Variants in JAK1 observed in about 807,000 individuals in gnomAD.
JAK1 encodes the protein Janus kinase 1.
A neutral mutation model predicts 136.6 loss-of-function variants in JAK1; 16 were observed. The observed-to-expected ratio is 0.12, with a 90% confidence interval of 0.08 to 0.18. JAK1 has a LOEUF of 0.18. JAK1 is among the 10% of genes least tolerant of loss of function. JAK1 has a pLI of 1.00. For missense variants in JAK1, 859 were observed against 1,450.1 expected (o/e 0.59, Z 6.62); for synonymous variants, 492 against 519.5 (o/e 0.95, Z 0.72).
chr1:65,061,369 T>C (rs1647784703), intron 1 of JAK1, among the ~76,000 whole-genome samples: 1 of 152,192 alleles, frequency 6.6e-6, no homozygotes, highest in South Asian at 2.1e-4. Flanking sequence ...CACTCCAGCC[T>C]GGGTGACAAA....
intron 1 of JAK1, among the ~76,000 whole-genome samples, chr1:64,923,835 C>T (rs1328550456): frequency 6.6e-6 from 1 of 152,136 alleles, no homozygotes; most frequent in Non-Finnish European, 1.5e-5. Flanking sequence ...CCTCCCACCC[C>T]GACTCCTGCT....
chr1:65,059,332 C>T (rs2100884857), intron 1 of JAK1, among the ~76,000 whole-genome samples: 1 of 152,252 alleles, frequency 6.6e-6, no homozygotes, highest in East Asian at 1.9e-4. Context: ...AAAACATTTA[C>T]TTTTTGTTTT....
chr1:64,962,707 G>T (rs1646302935), intron 1 of JAK1, among the ~76,000 whole-genome samples: 1 of 152,188 alleles, frequency 6.6e-6, no homozygotes, highest in African/African-American at 2.4e-5. Flanking sequence ...GCACGGGGGA[G>T]AGTAAGAAGC....
At chr1:64,970,844 T>G (rs1569787320), upstream of JAK1, among the ~76,000 whole-genome samples, 1 of 152,106 alleles carries the variant, frequency 6.6e-6, no homozygotes, top group African/African-American at 2.4e-5. Flanking sequence ...ATACAAATAT[T>G]TCCTTCTAAC....
At chr1:64,907,718 T>C (rs1203224197) in intron 1 of JAK1, among the ~76,000 whole-genome samples, 1 of 152,156 alleles carries the variant, frequency 6.6e-6, no homozygotes, top group Non-Finnish European at 1.5e-5. Flanking sequence ...GTTATGAGTG[T>C]ACCCTCAGCC....
intron 8 of JAK1, among the ~76,000 whole-genome samples, chr1:64,862,213 A>C (rs1490847048): frequency 6.6e-6 from 1 of 152,188 alleles, no homozygotes. Context: ...CTCTGGGTTC[A>C]AATCGCAGCC....
chr1:65,035,077 TA>T (rs1187148885), intron 2 of JAK1, among the ~76,000 whole-genome samples: 3 of 151,396 alleles, frequency 2.0e-5, no homozygotes, highest in Non-Finnish European at 4.4e-5. Context: ...AATAAATAAA[TA>T]AATAAATAAA....
intron 1 of JAK1, among the ~76,000 whole-genome samples, chr1:64,940,298 T>C (rs1167753956): frequency 2.0e-5 from 3 of 150,854 alleles, no homozygotes; most frequent in Non-Finnish European, 4.4e-5. Context: ...ACAGAAGACC[T>C]AGCTTATACC....
In JAK1 at chr1:65,001,131, C is replaced by A. The variant is rs1032809958; in HGVS notation, c.-78+43349G>T. ...CTCTAGTTGGGCAGTGATTATTAAA[C>A]CCCTCCCAAAAATGGAGTGGACAAT... On this transcript the variant is annotated intron_variant, in intron 2 of 25. Transcript: ENST00000671954. 2.0e-4 allele frequency among the ~76,000 whole-genome samples: 30 copies of A among 152,282 alleles called. 5 individuals carry two copies. The highest frequency in any genetic ancestry group is 3.3e-4 in the Admixed American group (5 of 15,306).
intron 2 of JAK1, among the ~76,000 whole-genome samples, chr1:65,006,539 G>A (rs1016870583): frequency 6.6e-6 from 1 of 152,044 alleles, no homozygotes; most frequent in East Asian, 1.9e-4. Context: ...TTTATTTTTT[G>A]TAGAGATGGG....
At chr1:64,878,001 T>C (rs1177730753) in intron 4 of JAK1, among the ~76,000 whole-genome samples, 1 of 152,148 alleles carries the variant, frequency 6.6e-6, no homozygotes, top group East Asian at 1.9e-4. Flanking sequence ...GAGAAAAACA[T>C]CCCAGTCATT....
intron 2 of JAK1, among the ~76,000 whole-genome samples, chr1:64,971,963 T>G (rs1283505125): frequency 1.3e-5 from 2 of 152,216 alleles, no homozygotes; most frequent in Non-Finnish European, 2.9e-5. Context: ...TGTTGAATTG[T>G]TGTGGGTTTT....
intron 8 of JAK1, among the ~76,000 whole-genome samples, chr1:64,862,348 T>G (rs966549271): frequency 1.3e-5 from 2 of 152,214 alleles, no homozygotes; most frequent in Admixed American, 6.5e-5. Context: ...TTACTTAACC[T>G]CTTCGTGCCT....
chr1:64,992,313 G>A (rs1646664505), intron 2 of JAK1: 1 of 152,096 alleles, frequency 6.6e-6, no homozygotes, highest in Non-Finnish European at 1.5e-5. Context: ...CCGGGAGGTG[G>A]AGCTTGCAGT....
chr1:64,997,055 A>G (rs893365816), intron 2 of JAK1, among the ~76,000 whole-genome samples: 3 of 152,230 alleles, frequency 2.0e-5, no homozygotes, highest in Non-Finnish European at 4.4e-5. Context: ...TTAAAAACAA[A>G]AACAAACAAA....
chr1:64,911,618 T>A (rs1033217873), intron 1 of JAK1, among the ~76,000 whole-genome samples: 3 of 152,222 alleles, frequency 2.0e-5, no homozygotes, highest in Non-Finnish European at 4.4e-5. Context: ...CCTAACCCAA[T>A]GCCCTTCCAT....
chr1:64,910,601 A>C (rs773113388), intron 1 of JAK1, among the ~76,000 whole-genome samples: 2 of 152,192 alleles, frequency 1.3e-5, no homozygotes, highest in Non-Finnish European at 2.9e-5. Flanking sequence ...TGGGAGGCTA[A>C]GGCGGGCTGA....
At chr1:64,921,492 C>T (rs1057071565) in intron 1 of JAK1, among the ~76,000 whole-genome samples, 5 of 152,012 alleles carry the variant, frequency 3.3e-5, no homozygotes, top group Non-Finnish European at 7.4e-5. Context: ...TTTCCAGTGA[C>T]CTACTAGAGT....
At chr1:64,921,226 T>A (rs542625078) in intron 1 of JAK1, among the ~76,000 whole-genome samples, 9 of 152,142 alleles carry the variant, frequency 5.9e-5, no homozygotes, top group Non-Finnish European at 1.3e-4. Flanking sequence ...AAGTGTAGCA[T>A]ATGTTTCTAC....
Sources: allele counts gnomAD v4.1 joint callset (sites outside exome capture counted in the v4.1 genomes callset), GRCh38; gene constraint gnomAD v4.1.1; transcripts MANE v1.5; gene names NCBI Gene and HGNC (gene_info 2026-07-23, HGNC 2026-07-21).